Variants in MB observed in about 807,000 individuals in gnomAD.
MB encodes nitrite reductase MB.
Under a neutral mutation model 14.5 loss-of-function variants are expected in MB, and 10 were observed. The ratio of observed to expected loss-of-function variants is 0.69; its 90% confidence interval spans 0.43 to 1.17. MB has a LOEUF of 1.17. Ranked by LOEUF, MB falls within the 50% of genes most tolerant of loss-of-function variation. MB has a pLI of 0.00. For missense variants in MB, 169 were observed against 192.7 expected (o/e 0.88, Z 0.73); for synonymous variants, 89 against 78.6 (o/e 1.13, Z -0.70).
upstream of MB, among the ~76,000 whole-genome samples, chr22:35,621,208 A>G (rs1341734175): frequency 2.6e-5 from 4 of 152,314 alleles, no homozygotes; most frequent in Middle Eastern, 3.4e-3. Flanking sequence ...TTACACGCTC[A>G]TGCTACACAC....
At chr22:35,623,202 C>T (rs1032456124) in exon 1 of MB, 20 of 152,280 alleles carry the variant, frequency 1.3e-4, no homozygotes, top group African/African-American at 4.8e-4. Flanking sequence ...CAGAGTCACA[C>T]AGCGAGGAAA....
intron 1 of MB, 84 bp from the exon 2 acceptor site, chr22:35,611,190 T>C: frequency 1.1e-6 from 1 of 909,402 alleles, no homozygotes; most frequent in Non-Finnish European, 1.8e-6. Flanking sequence ...CAAGTTTAGC[T>C]CCCTGTCTTC....
chr22:35,616,998 C>G, intron 1 of MB, 165 bp downstream of exon 1: 2 of 610,344 alleles, frequency 3.3e-6, no homozygotes, highest in Non-Finnish European at 5.9e-6. Flanking sequence ...TCTCCTGAGT[C>G]CAATCCCTGA....
upstream of MB, among the ~76,000 whole-genome samples, chr22:35,617,747 G>A (rs45603440): frequency 3.2e-4 from 49 of 152,240 alleles, 1 homozygote; most frequent in East Asian, 8.9e-3. Context: ...CTGGCCATTC[G>A]CAACCTCTCA....
intron 2 of MB, among the ~76,000 whole-genome samples, chr22:35,610,519 G>T (rs1922526235): frequency 6.6e-6 from 1 of 152,124 alleles, no homozygotes; most frequent in Non-Finnish European, 1.5e-5. Context: ...CTGTGACCGT[G>T]GACAAGCTGC....
rs1417210574 is a variant in MB, at chr22:35,606,965, C to T, written c.*332G>A. The T allele has an allele frequency of 4.5e-6, 1 of 224,230 alleles. No individual in the cohort carries two copies. Among genetic ancestry groups the T allele is most frequent in the African/African-American group, 2.3e-5 (1 of 44,440 alleles). 13.9% of individuals were successfully genotyped at this position (224,230 alleles called of 1,614,324 possible). A position where few individuals can be genotyped will look rare whatever the true frequency, so the allele number is the denominator to read the frequency against. On this transcript the variant is annotated 3_prime_UTR_variant, in exon 3 of 3. Transcript: ENST00000397326. ...TGCTACTGTCAGGTGTAGTTAATGGCTTGGATTTGGGGTTACAGCCAGTTT... is the reference window on the plus strand; with the variant it reads ...TGCTACTGTCAGGTGTAGTTAATGGTTTGGATTTGGGGTTACAGCCAGTTT...
rs1922177019 is a variant in MB, at chr22:35,606,887, A to C, written c.*410T>G. 1 of 159,076 alleles carries C rather than the reference A, an allele frequency of 6.3e-6. No homozygotes were observed. The highest frequency in any genetic ancestry group is 2.0e-4 in the South Asian group (1 of 5,046). 9.9% of individuals were successfully genotyped at this position (159,076 alleles called of 1,614,324 possible). On this transcript the variant is annotated 3_prime_UTR_variant, in exon 3 of 3. Coordinates refer to ENST00000397326, the MANE Select transcript of MB (RefSeq NM_005368.3). ...CCCGCCCAGCCCAGATCTCCTCCTC[A>C]TTGCAAAGGGACATTCTGCTGTCTT...
rs746412547 is a variant in MB, at chr22:35,608,658, C to T, written c.319-1215G>A. Among the ~76,000 whole-genome samples the T allele has an allele frequency of 7.2e-5, 11 of 152,168 alleles. No individual in the cohort carries two copies. The highest frequency in any genetic ancestry group is 1.5e-4 in the Non-Finnish European group (10 of 68,030). On this transcript the variant is annotated intron_variant, in intron 2 of 2. Transcript: ENST00000397326. This position sits in a 1 kb window ranked among gnomAD's most constrained non-coding sequence, Gnocchi z 4.3. ...AGTGGGGGCTCAGGGTGTCATGGAG[C>T]AAGCCCTGTCCTTAGAGAACTTGAG...
At position 35,606,997 on chromosome 22, in the gene MB, T is replaced by C. The variant is rs1169317302; in HGVS notation, c.*300A>G. On this transcript the variant is annotated 3_prime_UTR_variant, in exon 3 of 3. Transcript: ENST00000397326. ...TTGGGGTTACAGCCAGTTTGGAGGTTGGAAGAAGTTCGGTTGGGATTTAGA... is the reference window on the plus strand; with the variant it reads ...TTGGGGTTACAGCCAGTTTGGAGGTCGGAAGAAGTTCGGTTGGGATTTAGA... 2 of 276,510 alleles carry C rather than the reference T, an allele frequency of 7.2e-6. No individual in the cohort carries two copies. The highest frequency in any genetic ancestry group is 1.3e-4 in the East Asian group (2 of 15,606). 17.1% of individuals were successfully genotyped at this position (276,510 alleles called of 1,614,324 possible).
chr22:35,608,553 G>A lies in MB; in HGVS notation c.319-1110C>T, dbSNP rs912715186. Among the ~76,000 whole-genome samples the A allele has an allele frequency of 1.3e-5, 2 of 152,218 alleles. No homozygotes were observed. Among genetic ancestry groups the A allele is most frequent in the South Asian group, 2.1e-4 (1 of 4,830 alleles). On this transcript the variant is annotated intron_variant, in intron 2 of 2. Coordinates refer to ENST00000397326, the MANE Select transcript of MB (RefSeq NM_005368.3). The surrounding 1 kb of genome is among the most constrained non-coding windows in gnomAD (Gnocchi z 4.3). ...TAAGCCCCTCTGCTGGGAAAGAGGG[G>A]CAGCTCCACAAACGCCTACTCTTGG... is the stretch of plus-strand genomic sequence containing the variant.
At chr22:35,609,101 C>G (rs527565053) in intron 2 of MB, among the ~76,000 whole-genome samples, 4 of 152,310 alleles carry the variant, frequency 2.6e-5, no homozygotes, top group Non-Finnish European at 4.4e-5. Flanking sequence ...ATCCAACACT[C>G]GGCTTCTTCC....
In MB at chr22:35,607,069, C is replaced by G. The variant is rs1020515934; in HGVS notation, c.*228G>C. 9 of 482,610 alleles carry G rather than the reference C, an allele frequency of 1.9e-5. No individual in the cohort carries two copies. Among genetic ancestry groups the G allele is most frequent in the Non-Finnish European group, 2.2e-5 (6 of 270,612 alleles). 29.9% of individuals were successfully genotyped at this position (482,610 alleles called of 1,614,324 possible). A position where few individuals can be genotyped will look rare whatever the true frequency, so the allele number is the denominator to read the frequency against. On this transcript the variant is annotated 3_prime_UTR_variant, in exon 3 of 3. Coordinates refer to ENST00000397326, the MANE Select transcript of MB (RefSeq NM_005368.3). ...TCCAAACCATGCAGAACACAGTGAG[C>G]CAAGGGCCACTCCCGGTTCCCAGGG...
intron 1 of MB, among the ~76,000 whole-genome samples, chr22:35,622,756 G>T (rs922190573): frequency 6.6e-6 from 1 of 151,966 alleles, no homozygotes; most frequent in African/African-American, 2.4e-5. Context: ...GCTCCGAGTG[G>T]CTCCTCCAGC....
At chr22:35,607,495 G>A (rs1415431816) in intron 2 of MB, 52 bp from the exon 3 acceptor site, 2 of 1,574,728 alleles carry the variant, frequency 1.3e-6, no homozygotes, top group Non-Finnish European at 1.7e-6. Context: ...ACAAGCCAGG[G>A]GCCAGATGGG....
At chr22:35,609,213 G>A (rs181456084) in intron 2 of MB, among the ~76,000 whole-genome samples, 1 of 152,224 alleles carries the variant, frequency 6.6e-6, no homozygotes, top group Non-Finnish European at 1.5e-5. Context: ...TGTCTGCTGG[G>A]AGACCGCTGG....
chr22:35,611,939 T>C (rs1922666743), intron 1 of MB, among the ~76,000 whole-genome samples: 1 of 152,104 alleles, frequency 6.6e-6, no homozygotes. Flanking sequence ...TGGGTGCTGG[T>C]TAAAGGGAGT....
chr22:35,617,629 G>A (rs559663298), upstream of MB: 37 of 205,542 alleles, frequency 1.8e-4, no homozygotes, highest in Admixed American at 2.8e-4. Context: ...CACAGAAGCC[G>A]ACGCCAGCAG....
At chr22:35,620,642 C>T (rs529481734), upstream of MB, among the ~76,000 whole-genome samples, 4 of 152,356 alleles carry the variant, frequency 2.6e-5, no homozygotes, top group Admixed American at 2.6e-4. Context: ...GCCTGGTGCG[C>T]TGGGGAAGGC....
intron 1 of MB, among the ~76,000 whole-genome samples, chr22:35,613,653 G>A (rs939386483): frequency 2.8e-5 from 4 of 145,172 alleles, no homozygotes; most frequent in Admixed American, 6.9e-5. Flanking sequence ...ACACCACCAC[G>A]CCCAGCTAAT....
Sources: allele counts gnomAD v4.1 joint callset (sites outside exome capture counted in the v4.1 genomes callset), GRCh38; gene constraint gnomAD v4.1.1; non-coding constraint Gnocchi (gnomAD v3.1); transcripts MANE v1.5; gene names NCBI Gene and HGNC (gene_info 2026-07-23, HGNC 2026-07-21).